ANKRD44: variants seen among roughly 807,000 people sequenced by gnomAD.
ANKRD44 encodes serine/threonine-protein phosphatase 6 regulatory ankyrin repeat subunit B.
A neutral mutation model predicts 116.0 loss-of-function variants in ANKRD44; 35 were observed. The ratio of observed to expected loss-of-function variants is 0.30; its 90% CI spans 0.23 to 0.40. The LOEUF (loss-of-function observed/expected upper bound fraction) is 0.40. Among genes scored for constraint, ANKRD44 ranks in the 10% least tolerant of loss-of-function variants. The pLI is 1.00. For missense variants in ANKRD44, 1,014 were observed against 1,242.6 expected (o/e 0.82, Z 2.77); for synonymous variants, 435 against 461.8 (o/e 0.94, Z 0.74).
At chr2:197,090,142 G>A in intron 10 of ANKRD44, 110 bp from the exon 11 acceptor site, 2 of 775,630 alleles carry the variant, frequency 2.6e-6, no homozygotes, top group South Asian at 1.6e-5. Flanking sequence ...CCTTGTGTAG[G>A]GAGTCTTGGC....
chr2:196,986,071 A>C (rs2075834667), downstream of ANKRD44, among the ~76,000 whole-genome samples: 1 of 152,204 alleles, frequency 6.6e-6, no homozygotes. Flanking sequence ...GGCTGCAAGG[A>C]AGCTGAGAGC....
At chr2:197,144,251 C>T (rs1195133233) in intron 3 of ANKRD44, among the ~76,000 whole-genome samples, 1 of 152,194 alleles carries the variant, frequency 6.6e-6, no homozygotes, top group Non-Finnish European at 1.5e-5. Context: ...GCTTGGGTTA[C>T]ACCATGCTCT....
At chr2:196,975,686 G>A (rs1303160779) in intron 21 of ANKRD44, among the ~76,000 whole-genome samples, 2 of 150,758 alleles carry the variant, frequency 1.3e-5, no homozygotes, top group African/African-American at 2.4e-5. Flanking sequence ...AGCTACTCAG[G>A]AGGCTAAGAC....
At chr2:197,066,839 G>A (rs939597971) in intron 16 of ANKRD44, among the ~76,000 whole-genome samples, 5 of 152,074 alleles carry the variant, frequency 3.3e-5, no homozygotes, top group Non-Finnish European at 7.4e-5. Flanking sequence ...AATCAATATC[G>A]TGAAAATGGC....
chr2:196,989,408 A>G lies in ANKRD44; in HGVS notation c.*183T>C. On this transcript the variant is annotated 3_prime_UTR_variant, in exon 28 of 28. Transcript: ENST00000282272. ...GAAAGATTACATTTAACTCCATAAAAAAGCTACTTCAGTTCTCACTTGCAT... is the reference window on the plus strand; with the variant it reads ...GAAAGATTACATTTAACTCCATAAAGAAGCTACTTCAGTTCTCACTTGCAT... 8.3e-7 allele frequency: 1 copy of G among 1,207,414 alleles called. No homozygotes were observed. Among genetic ancestry groups the G allele is most frequent in the Non-Finnish European group, 1.0e-6 (1 of 968,864 alleles). 74.8% of individuals were successfully genotyped at this position (1,207,414 alleles called of 1,614,324 possible).
chr2:197,117,395 A>G (rs1232764886), intron 8 of ANKRD44, among the ~76,000 whole-genome samples: 1 of 152,126 alleles, frequency 6.6e-6, no homozygotes, highest in African/African-American at 2.4e-5. Flanking sequence ...ATGCGCCACC[A>G]CACCCAGCTA....
intron 18 of ANKRD44, among the ~76,000 whole-genome samples, chr2:197,011,894 G>C (rs1478139710): frequency 6.6e-6 from 1 of 152,088 alleles, no homozygotes. Flanking sequence ...AACATCTTTA[G>C]CTCTGCTGCC....
intron 16 of ANKRD44, among the ~76,000 whole-genome samples, chr2:197,077,280 C>T (rs184522827): frequency 2.0e-4 from 30 of 152,176 alleles, no homozygotes; most frequent in Admixed American, 9.2e-4. Context: ...TTTTTTCATA[C>T]GCTTATGGCC....
chr2:197,073,451 A>G (rs1426974671), intron 16 of ANKRD44, among the ~76,000 whole-genome samples: 1 of 152,204 alleles, frequency 6.6e-6, no homozygotes. Context: ...ACATTTGGAC[A>G]TTGGGAAATA....
rs191044161 is a variant in ANKRD44, at chr2:197,302,748, T to G, written c.27+7830A>C. Among the ~76,000 whole-genome samples, 1,363 of 152,294 alleles carry G rather than the reference T, an allele frequency of 8.9e-3. 17 individuals are homozygous for G. The highest frequency in any genetic ancestry group is 0.017 in the South Asian group (81 of 4,818). On this transcript the variant is annotated intron_variant, in intron 1 of 27. Transcript: ENST00000282272. ...CAGAGACTAACCATACAGAGGCTGG[T>G]GATTACATGTAGGAATTTTCTTCCT... is the stretch of plus-strand genomic sequence containing the variant.
At chr2:197,104,825 C>T (rs1052752500) in intron 9 of ANKRD44, among the ~76,000 whole-genome samples, 14 of 152,156 alleles carry the variant, frequency 9.2e-5, no homozygotes, top group Admixed American at 8.5e-4. Context: ...AAAATGTGTG[C>T]ACTTTGTGAA....
intron 1 of ANKRD44, chr2:197,251,124 T>A (rs2082307773): frequency 1.3e-5 from 2 of 152,256 alleles, no homozygotes; most frequent in African/African-American, 4.8e-5. Flanking sequence ...CAAAGATGTT[T>A]ATTTCTTGAT....
At chr2:197,170,085 G>T (rs561508042) in intron 2 of ANKRD44, among the ~76,000 whole-genome samples, 48 of 151,680 alleles carry the variant, frequency 3.2e-4, no homozygotes, top group Non-Finnish European at 4.1e-4. Flanking sequence ...AGCTACCTGG[G>T]GGGCTGAGGT....
intron 6 of ANKRD44, among the ~76,000 whole-genome samples, chr2:197,123,208 GA>G (rs59836450): frequency 0.64 from 96,355 of 151,308 alleles, 34,087 homozygotes; most frequent in East Asian, 0.95. Flanking sequence ...ACTGATAAAA[GA>G]AAAAAAAACA....
chr2:197,035,599 G>C (rs188618521), intron 16 of ANKRD44, among the ~76,000 whole-genome samples: 1 of 152,166 alleles, frequency 6.6e-6, no homozygotes, highest in Non-Finnish European at 1.5e-5. Flanking sequence ...GGACATTTAT[G>C]GATCTTCAAG....
At chr2:197,111,293 C>T (rs1024550376) in intron 8 of ANKRD44, among the ~76,000 whole-genome samples, 1 of 152,078 alleles carries the variant, frequency 6.6e-6, no homozygotes, top group African/African-American at 2.4e-5. Flanking sequence ...TGTTACCTTG[C>T]ATGGTATTCT....
intron 16 of ANKRD44, among the ~76,000 whole-genome samples, chr2:197,076,814 G>A (rs987747717): frequency 3.3e-5 from 5 of 152,052 alleles, no homozygotes; most frequent in Non-Finnish European, 7.4e-5. Context: ...CTGTATCCAT[G>A]TTCCTACAAA....
At chr2:197,040,898 T>G (rs933676131) in intron 16 of ANKRD44, among the ~76,000 whole-genome samples, 4 of 152,196 alleles carry the variant, frequency 2.6e-5, no homozygotes, top group African/African-American at 9.6e-5. Flanking sequence ...GTTCCCTCAT[T>G]ACTTAATGAG....
chr2:197,157,675 CAAAAAAAA>C (rs35588359), intron 2 of ANKRD44, among the ~76,000 whole-genome samples: 55 of 83,088 alleles, frequency 6.6e-4, no homozygotes, highest in African/African-American at 2.9e-3. Flanking sequence ...GAGACTCTGT[CAAAAAAAA>C]AAAAAAAAAA....
Sources: gnomAD v4.1 joint callset for allele counts (sites outside exome capture counted in the v4.1 genomes callset) on GRCh38, gnomAD v4.1.1 for gene constraint, MANE v1.5 for transcripts, NCBI Gene and HGNC (gene_info 2026-07-23, HGNC 2026-07-21) for gene names.